FMNL2: variants seen among roughly 807,000 people sequenced by gnomAD.
FMNL2 encodes formin-like protein 2.
Under a neutral mutation model 130.2 loss-of-function variants are expected in FMNL2, and 51 were observed. The ratio of observed to expected loss-of-function variants is 0.39; its 90% CI spans 0.31 to 0.49. FMNL2 has a LOEUF of 0.49. Ranked by LOEUF, FMNL2 falls within the 20% of genes least tolerant of loss-of-function variation. FMNL2 has a pLI of 0.85. For synonymous variants in FMNL2, 465 were observed against 467.1 expected (o/e 1.00, Z 0.06); for missense variants, 977 against 1,316.2 (o/e 0.74, Z 3.99).
chr2:152,545,017 G>T (rs1163257645), intron 3 of FMNL2, among the ~76,000 whole-genome samples: 1 of 152,156 alleles, frequency 6.6e-6, no homozygotes, highest in Non-Finnish European at 1.5e-5. Context: ...GCCCATGTGC[G>T]TTCACCTGAA....
At chr2:152,483,427 A>C (rs1341067630) in intron 1 of FMNL2, among the ~76,000 whole-genome samples, 24 of 152,218 alleles carry the variant, frequency 1.6e-4, no homozygotes, top group Admixed American at 1.6e-3. Context: ...TTGTGTATTC[A>C]AGAGGTTTTT....
intron 1 of FMNL2, among the ~76,000 whole-genome samples, chr2:152,357,964 A>T (rs987670355): frequency 2.0e-5 from 3 of 152,214 alleles, no homozygotes; most frequent in Non-Finnish European, 4.4e-5. Context: ...GGAGATTAAC[A>T]TTTGAGTCAG....
chr2:152,635,506 A>C (rs1682519616), intron 21 of FMNL2, among the ~76,000 whole-genome samples: 1 of 152,250 alleles, frequency 6.6e-6, no homozygotes, highest in South Asian at 2.1e-4. Context: ...CGTCATTAGC[A>C]AAAAAAGTGA....
At chr2:152,470,743 A>T (rs886562084) in intron 1 of FMNL2, among the ~76,000 whole-genome samples, 1 of 152,118 alleles carries the variant, frequency 6.6e-6, no homozygotes, top group East Asian at 1.9e-4. Flanking sequence ...AATCACAGAG[A>T]TTGTCATGGT....
At chr2:152,614,102 C>A (rs983991525) in intron 11 of FMNL2, among the ~76,000 whole-genome samples, 2 of 152,204 alleles carry the variant, frequency 1.3e-5, no homozygotes, top group Non-Finnish European at 2.9e-5. Flanking sequence ...TCTCGCCTAA[C>A]CTTCTTCCCC....
intron 1 of FMNL2, among the ~76,000 whole-genome samples, chr2:152,396,466 G>A (rs1471128276): frequency 2.6e-5 from 4 of 152,152 alleles, no homozygotes; most frequent in Non-Finnish European, 5.9e-5. Flanking sequence ...ATCCAAGGCT[G>A]CTGCTTAACC....
At chr2:152,452,652 G>A (rs1162780176) in intron 1 of FMNL2, among the ~76,000 whole-genome samples, 1 of 151,828 alleles carries the variant, frequency 6.6e-6, no homozygotes, top group Non-Finnish European at 1.5e-5. Context: ...GGGAAGTGAG[G>A]GGCTATTAAG....
chr2:152,566,000 C>T (rs754310956), intron 6 of FMNL2, among the ~76,000 whole-genome samples: 15 of 152,152 alleles, frequency 9.9e-5, no homozygotes, highest in Non-Finnish European at 1.8e-4. Context: ...AGGCTGCTCT[C>T]GAACTCCTGG....
intron 1 of FMNL2, among the ~76,000 whole-genome samples, chr2:152,415,124 T>G (rs1331210653): frequency 6.6e-6 from 1 of 151,664 alleles, no homozygotes; most frequent in Non-Finnish European, 1.5e-5. Context: ...AGCAGAGGTG[T>G]GAATCTTCTT....
At chr2:152,564,969 T>A (rs540534077) in intron 6 of FMNL2, among the ~76,000 whole-genome samples, 27 of 152,082 alleles carry the variant, frequency 1.8e-4, no homozygotes, top group Non-Finnish European at 3.2e-4. Flanking sequence ...GGGAAACTGT[T>A]GCTATTGATG....
chr2:152,417,005 G>T (rs1207321232), intron 1 of FMNL2, among the ~76,000 whole-genome samples: 4 of 152,194 alleles, frequency 2.6e-5, no homozygotes, highest in African/African-American at 9.6e-5. Flanking sequence ...ACTTGAATTT[G>T]TAGATCTGGA....
chr2:152,530,106 C>T (rs905926832), intron 2 of FMNL2, among the ~76,000 whole-genome samples: 1 of 152,152 alleles, frequency 6.6e-6, no homozygotes, highest in Non-Finnish European at 1.5e-5. Flanking sequence ...CCTGAGCTGG[C>T]TTAGACTACG....
chr2:152,347,928 G>GT (rs11384938), intron 1 of FMNL2, among the ~76,000 whole-genome samples: 87,304 of 148,114 alleles, frequency 0.59, 28,601 homozygotes, highest in Non-Finnish European at 0.77. Context: ...TAACTTGGAA[G>GT]TTTTTTTTTT....
chr2:152,621,173 G>A (rs1332581777), intron 15 of FMNL2: 13 of 976,556 alleles, frequency 1.3e-5, no homozygotes, highest in African/African-American at 1.8e-5. Flanking sequence ...CCCCCAAGGC[G>A]CACTTGCTGT....
At chr2:152,558,712 A>G (rs767071779) in intron 4 of FMNL2, 28 bp from the exon 5 acceptor site, 31 of 1,500,832 alleles carry the variant, frequency 2.1e-5, no homozygotes, top group East Asian at 1.7e-4. Flanking sequence ...AATTTCTCCA[A>G]TGATTTTTTT....
intron 1 of FMNL2, among the ~76,000 whole-genome samples, chr2:152,461,496 C>T (rs1308530932): frequency 6.6e-6 from 1 of 152,100 alleles, no homozygotes; most frequent in Non-Finnish European, 1.5e-5. Context: ...AAAGTAGATT[C>T]ACATACCACA....
rs190611281 is a variant in FMNL2 at position 152,392,481 on chromosome 2, C to T, written c.117+56761C>T. On this transcript the variant is annotated intron_variant, in intron 1 of 25. Coordinates refer to ENST00000288670, the MANE Select transcript of FMNL2 (RefSeq NM_052905.4). ...TTATAAGGAATAGAATTTTATTTCTCACCGTTCTGGAGGTGACTGGGAAGT... is the reference window on the plus strand; with the variant it reads ...TTATAAGGAATAGAATTTTATTTCTTACCGTTCTGGAGGTGACTGGGAAGT... Among the ~76,000 whole-genome samples, 9 of 152,248 alleles carry T rather than the reference C, an allele frequency of 5.9e-5. No homozygotes were observed. In the South Asian group the frequency reaches 1.5e-3, roughly 25 times the overall value.
chr2:152,432,534 TC>T (rs1393968606), intron 1 of FMNL2, among the ~76,000 whole-genome samples: 1 of 152,178 alleles, frequency 6.6e-6, no homozygotes, highest in Non-Finnish European at 1.5e-5. Context: ...TCCCTTTGTT[TC>T]CAGATGCATC....
chr2:152,512,780 T>C (rs1441378718), intron 1 of FMNL2, among the ~76,000 whole-genome samples: 1 of 152,194 alleles, frequency 6.6e-6, no homozygotes, highest in Non-Finnish European at 1.5e-5. Flanking sequence ...GGTTGTTTTA[T>C]GTGGATGGAG....
Sources: gnomAD v4.1 joint callset for allele counts (sites outside exome capture counted in the v4.1 genomes callset) on GRCh38, gnomAD v4.1.1 for gene constraint, MANE v1.5 for transcripts, NCBI Gene and HGNC (gene_info 2026-07-23, HGNC 2026-07-21) for gene names.